The following NIN variants were observed in gnomAD, a reference collection of about 807,000 sequenced individuals.
NIN encodes the protein glycogen synthase kinase 3 beta-interacting protein.
NIN carries 137 observed loss-of-function variants against 257.6 expected under a neutral mutation model. The observed-to-expected ratio is 0.53, with a 90% CI of 0.46 to 0.61. The LOEUF (loss-of-function observed/expected upper bound fraction) is 0.61, where lower values mean the gene tolerates loss of function less well. NIN is among the 20% of genes least tolerant of loss of function. NIN has a pLI of 0.00. For missense variants in NIN, 2,439 were observed against 2,501.2 expected, an observed-to-expected ratio of 0.98 and a Z score of 0.53; for synonymous variants, 918 against 919.8, an observed-to-expected ratio of 1.00 and a Z score of 0.04.
At chr14:50,766,693 A>T in intron 13 of NIN, 87 bp downstream of exon 13, 2 of 899,454 alleles carry the variant, frequency 2.2e-6, no homozygotes, top group Admixed American at 2.2e-5. Flanking sequence ...GCCTAATAAA[A>T]ATGTTCTGGT....
At chr14:50,766,468 A>C in intron 13 of NIN, 72 bp from the exon 14 acceptor site, 1 of 1,301,350 alleles carries the variant, frequency 7.7e-7, no homozygotes. Flanking sequence ...GCAAAGGCCC[A>C]GTTTCTGGTA....
intron 3 of NIN, 53 bp downstream of exon 3, chr14:50,821,821 C>A: frequency 1.3e-6 from 2 of 1,487,916 alleles, no homozygotes; most frequent in South Asian, 1.2e-5. Context: ...CCCCAGCACC[C>A]CGGCAGAAAC....
intron 29 of NIN, 44 bp downstream of exon 29, chr14:50,729,479 G>A (rs1043725431): frequency 1.2e-5 from 18 of 1,557,148 alleles, no homozygotes; most frequent in Non-Finnish European, 1.6e-5. Flanking sequence ...AAATAAACAG[G>A]TAAAATTAAC....
At chr14:50,729,757 G>T (rs1452695634) in intron 28 of NIN, 34 bp from the exon 29 acceptor site, 1 of 1,515,066 alleles carries the variant, frequency 6.6e-7, no homozygotes, top group South Asian at 1.3e-5. Flanking sequence ...GTTCAGCTGA[G>T]TCCCTTCAAT....
chr14:50,826,029 T>C (rs1015179231), intron 2 of NIN, among the ~76,000 whole-genome samples: 1 of 152,248 alleles, frequency 6.6e-6, no homozygotes, highest in African/African-American at 2.4e-5. Flanking sequence ...TCTTCAATAA[T>C]GGGCATTGCC....
chr14:50,748,425 C>T, intron 21 of NIN, among the ~76,000 whole-genome samples: 1 of 152,106 alleles, frequency 6.6e-6, no homozygotes, highest in East Asian at 1.9e-4. Flanking sequence ...ACAAGGATAC[C>T]CTCTCTCACC....
In NIN at chr14:50,770,925, G is replaced by C. The variant is rs766474370; in HGVS notation, c.1186C>G (p.Leu396Val). Reference protein sequence around the residue: ...LRSDLDKAEKLKSLMASEVDD... With the variant: ...LRSDLDKAEKVKSLMASEVDD... ...ACCTCCGAGGCCATTAAAGACTTGA[G>C]CTTCTCGGCCTTGTCCAGATCTGAC... is the stretch of plus-strand genomic sequence containing the variant. The change falls in exon 11 of 31, where the codon CTC becomes GTC. Residue 396 changes from leucine to valine, a missense_variant. This residue lies in a region of NIN where 2,043 missense variants were observed against 2,050.2 expected (regional missense o/e 1.00). Coordinates refer to ENST00000530997, the MANE Select transcript of NIN (RefSeq NM_020921.4). The C allele has an allele frequency of 3.7e-6, 6 of 1,614,070 alleles. No individual in the cohort carries two copies. The African/African-American group carries it at 8.0e-5, about 22-fold the overall frequency.
chr14:50,806,906 C>T, intron 3 of NIN, 88 bp from the exon 4 acceptor site: 1 of 609,676 alleles, frequency 1.6e-6, no homozygotes, highest in Non-Finnish European at 2.8e-6. Context: ...TGTTTTCTTC[C>T]CATCCTGACA....
chr14:50,763,133 C>T lies in NIN; in HGVS notation c.1774+693G>A, dbSNP rs531368518. Among the ~76,000 whole-genome samples, 8 of 152,260 alleles carry T rather than the reference C, an allele frequency of 5.3e-5. No homozygotes were observed. The East Asian group carries it at 7.7e-4, about 15-fold the overall frequency. On this transcript the variant is annotated intron_variant, in intron 15 of 30. Transcript: ENST00000530997. ...AACAACCTGTGTAAGAACGACACTC[C>T]TATCCCCAATAGCACTGGGGAAAGT...
Position 50,741,662 on chromosome 14 carries a change from G to T in NIN, c.5368C>A (p.Arg1790=). The T allele has an allele frequency of 6.2e-7, 1 of 1,614,064 alleles. No individual in the cohort carries two copies. Among genetic ancestry groups the T allele is most frequent in the South Asian group, 1.1e-5 (1 of 91,076 alleles). ...LQMSRMKSDL[R]VTQQEKEALK... ...GCCTCCTTTTCCTGCTGAGTCACTC[G>T]TAGGTCAGATTTCATCCGGGACATT... The change falls in exon 25 of 31, where the codon CGA becomes AGA. Residue 1790 remains arginine (R), a synonymous_variant. Transcript: ENST00000530997.
In NIN at chr14:50,748,118, T is replaced by A. The variant is rs376658237; in HGVS notation, c.4951-13A>T. ...CTAAAGTGGAGGACTAAGAGAAAAA[T>A]GAAAAAGTCAAATAACAGACATACA... is the stretch of plus-strand genomic sequence containing the variant. On this transcript the variant is annotated splice_polypyrimidine_tract_variant and intron_variant, in intron 21 of 30. Coordinates refer to ENST00000530997, the MANE Select transcript of NIN (RefSeq NM_020921.4). The A allele has an allele frequency of 7.1e-4, 1,119 of 1,566,512 alleles. 16 individuals carry two copies. The South Asian group carries it at 0.012, about 16-fold the overall frequency.
chr14:50,731,855 G>A (rs1315471782), intron 28 of NIN, among the ~76,000 whole-genome samples: 1 of 152,048 alleles, frequency 6.6e-6, no homozygotes. Context: ...ATTATTCCAG[G>A]TCCAGTACAG....
intron 3 of NIN, among the ~76,000 whole-genome samples, chr14:50,817,841 G>A (rs2044985763): frequency 2.0e-5 from 3 of 151,940 alleles, no homozygotes; most frequent in Admixed American, 2.0e-4. Flanking sequence ...TCAGCCTCCC[G>A]AGTAGCTAGG....
At chr14:50,735,922 T>C (rs2040952576) in intron 27 of NIN, among the ~76,000 whole-genome samples, 1 of 152,190 alleles carries the variant, frequency 6.6e-6, no homozygotes, top group African/African-American at 2.4e-5. Flanking sequence ...ATATGTACAG[T>C]ACATATCACT....
Position 50,777,127 on chromosome 14 carries a change from A to C in NIN, c.488T>G (p.Phe163Cys). ...AGCATTCAAGTCATCTGGGTTCCAAAACCTTAACTGGCCTGAGAGAGAAGC... is the reference window on the plus strand; with the variant it reads ...AGCATTCAAGTCATCTGGGTTCCAACACCTTAACTGGCCTGAGAGAGAAGC... ...EEYEAEGQLR[F>C]WNPDDLNASQ... Residue 163 changes from phenylalanine to cysteine, a missense_variant, in exon 7 of 31, where the codon TTT (phenylalanine) becomes TGT (cysteine). Physicochemically the swap from Phe to Cys is radical, Grantham distance 205. This residue lies in a region of NIN where 387 missense variants were observed against 427.3 expected (regional missense o/e 0.91). Transcript: ENST00000530997. The C allele has an allele frequency of 6.2e-7, 1 of 1,609,404 alleles. No individual in the cohort carries two copies. The highest frequency in any genetic ancestry group is 8.5e-7 in the Non-Finnish European group (1 of 1,177,950).
intron 3 of NIN, among the ~76,000 whole-genome samples, chr14:50,807,271 A>G (rs554166716): frequency 1.8e-4 from 28 of 152,348 alleles, no homozygotes; most frequent in African/African-American, 6.7e-4. Context: ...TGACTTGAAT[A>G]TAGTCTTCCT....
chr14:50,785,160 C>T, intron 5 of NIN, among the ~76,000 whole-genome samples: 1 of 152,236 alleles, frequency 6.6e-6, no homozygotes, highest in East Asian at 1.9e-4. Context: ...CAGGCGGCAC[C>T]GATTTCTGGA....
At chr14:50,793,904 A>G (rs1236629077) in intron 4 of NIN, among the ~76,000 whole-genome samples, 1 of 152,234 alleles carries the variant, frequency 6.6e-6, no homozygotes, top group Non-Finnish European at 1.5e-5. Context: ...AAAGATGACA[A>G]TGCTTTGATT....
intron 5 of NIN, among the ~76,000 whole-genome samples, chr14:50,781,379 A>T (rs1217498405): frequency 6.6e-6 from 1 of 152,184 alleles, no homozygotes; most frequent in East Asian, 1.9e-4. Context: ...TGCAACACAC[A>T]CACCTTCAAA....
Sources: allele counts gnomAD v4.1 joint callset (sites outside exome capture counted in the v4.1 genomes callset), GRCh38; gene constraint gnomAD v4.1.1; regional missense constraint gnomAD v4.1.1; transcripts MANE v1.5; gene names NCBI Gene and HGNC (gene_info 2026-07-23, HGNC 2026-07-21).